GPC6: variants seen among roughly 807,000 people sequenced by gnomAD.
GPC6 encodes the protein glypican 6, also known as glypican-6.
In GPC6, 14 loss-of-function variants were observed where a neutral mutation model predicts 55.2. The ratio of observed to expected loss-of-function variants is 0.25; its 90% confidence interval spans 0.17 to 0.40. The LOEUF is 0.40. Among genes scored for constraint, GPC6 ranks in the 10% least tolerant of loss-of-function variants. The pLI is 1.00. For missense variants in GPC6, 641 were observed against 708.5 expected (o/e 0.90, Z 1.08); for synonymous variants, 278 against 259.6 (o/e 1.07, Z -0.68).
intron 3 of GPC6, among the ~76,000 whole-genome samples, chr13:94,010,486 C>A (rs1388989963): frequency 5.3e-5 from 8 of 152,252 alleles, no homozygotes; most frequent in East Asian, 1.9e-4. Flanking sequence ...CTGAGAGACA[C>A]ACTTTATAAT....
chr13:93,472,835 G>C (rs1238054176), intron 1 of GPC6, among the ~76,000 whole-genome samples: 2 of 152,152 alleles, frequency 1.3e-5, no homozygotes. Context: ...ACAAGTGAAG[G>C]GTGAGCAAGA....
At chr13:93,633,426 A>G (rs926208457) in intron 2 of GPC6, among the ~76,000 whole-genome samples, 1 of 152,090 alleles carries the variant, frequency 6.6e-6, no homozygotes, top group African/African-American at 2.4e-5. Flanking sequence ...CAGGTGGATC[A>G]CTTGAGGTCA....
intron 3 of GPC6, among the ~76,000 whole-genome samples, chr13:93,982,156 C>A (rs2140405748): frequency 6.6e-6 from 1 of 152,156 alleles, no homozygotes; most frequent in Non-Finnish European, 1.5e-5. Context: ...CTGATGGGGC[C>A]TATGGTCTTC....
chr13:93,731,385 T>C (rs1318676644), intron 2 of GPC6, among the ~76,000 whole-genome samples: 1 of 152,044 alleles, frequency 6.6e-6, no homozygotes, highest in African/African-American at 2.4e-5. Flanking sequence ...GCTTACTGAG[T>C]CTTTTAGCCC....
the GPC6 span, among the ~76,000 whole-genome samples, chr13:93,218,467 C>T: frequency 6.6e-6 from 1 of 152,086 alleles, no homozygotes; most frequent in African/African-American, 2.4e-5. Flanking sequence ...TTTTCCTATC[C>T]ATAGGTCTAA....
chr13:94,067,474 G>C (rs1202489718), intron 4 of GPC6, among the ~76,000 whole-genome samples: 2 of 142,126 alleles, frequency 1.4e-5, no homozygotes, highest in African/African-American at 5.0e-5. Context: ...CTCTCTGTCT[G>C]TCTGTCTCTC....
intron 2 of GPC6, among the ~76,000 whole-genome samples, chr13:93,773,998 T>C (rs1476769165): frequency 1.3e-5 from 2 of 152,178 alleles, no homozygotes; most frequent in East Asian, 3.9e-4. Context: ...TCAGAAGAAC[T>C]GCTTTGGCTT....
chr13:93,653,610 G>A (rs9516266), intron 2 of GPC6, among the ~76,000 whole-genome samples: 28,852 of 125,590 alleles, frequency 0.23, 3,624 homozygotes, highest in Admixed American at 0.31. Context: ...GTGTGTGTGT[G>A]TGTACATATA....
chr13:93,986,521 C>G (rs553239394), intron 3 of GPC6, among the ~76,000 whole-genome samples: 1 of 152,160 alleles, frequency 6.6e-6, no homozygotes, highest in African/African-American at 2.4e-5. Context: ...TTTGAAATAA[C>G]AGGAGTTCAG....
intron 1 of GPC6, among the ~76,000 whole-genome samples, chr13:93,261,593 G>C (rs1462273800): frequency 2.0e-5 from 3 of 152,166 alleles, no homozygotes; most frequent in Non-Finnish European, 4.4e-5. Flanking sequence ...GAATAAAAGA[G>C]AAAACAGTGT....
intron 4 of GPC6, among the ~76,000 whole-genome samples, chr13:94,048,028 A>T (rs916542202): frequency 6.8e-6 from 1 of 147,396 alleles, no homozygotes; most frequent in Non-Finnish European, 1.5e-5. Context: ...AAAAGTTGGC[A>T]ATTAAAAAAA....
At chr13:93,316,239 C>T (rs78581840) in intron 1 of GPC6, among the ~76,000 whole-genome samples, 1 of 151,986 alleles carries the variant, frequency 6.6e-6, no homozygotes, top group South Asian at 2.1e-4. Flanking sequence ...TATTCATGCC[C>T]TAGACTATTA....
At chr13:94,301,914 G>A (rs1267790699) in intron 5 of GPC6, among the ~76,000 whole-genome samples, 5 of 151,984 alleles carry the variant, frequency 3.3e-5, no homozygotes, top group African/African-American at 1.2e-4. Flanking sequence ...TATTCAAAAT[G>A]TAAAATGTTG....
At chr13:94,003,826 TCA>T (rs567898089) in intron 3 of GPC6, among the ~76,000 whole-genome samples, 110 of 152,304 alleles carry the variant, frequency 7.2e-4, no homozygotes, top group Non-Finnish European at 1.4e-3. Context: ...TTCAAGAGGC[TCA>T]CTACATGCCT....
intron 4 of GPC6, among the ~76,000 whole-genome samples, chr13:94,234,750 C>T (rs911271369): frequency 3.3e-5 from 5 of 151,910 alleles, no homozygotes; most frequent in East Asian, 3.9e-4. Flanking sequence ...ATCAACCAGA[C>T]GCAATAGAAA....
In GPC6 at chr13:94,083,267, C is replaced by T. The variant is rs113282964; in HGVS notation, c.877+55373C>T. Among the ~76,000 whole-genome samples the T allele has an allele frequency of 1.7e-3, 264 of 152,092 alleles. 1 individual carries two copies. Among genetic ancestry groups the T allele is most frequent in the African/African-American group, 6.0e-3 (247 of 41,478 alleles). On this transcript the variant is annotated intron_variant, in intron 4 of 8. Coordinates refer to ENST00000377047, the MANE Select transcript of GPC6 (RefSeq NM_005708.5). Reference sequence around the variant, plus strand: ...CTGAGTAGCTGGGACTACAGGCGCCCGCCACCACACCCGTCTAATTTTTTG... The same window carrying T: ...CTGAGTAGCTGGGACTACAGGCGCCTGCCACCACACCCGTCTAATTTTTTG...
At chr13:94,347,924 G>A (rs1026842357) in intron 6 of GPC6, among the ~76,000 whole-genome samples, 7 of 152,204 alleles carry the variant, frequency 4.6e-5, no homozygotes, top group African/African-American at 1.4e-4. Flanking sequence ...CCCGATGTGC[G>A]AGAGGCAGAT....
intron 4 of GPC6, among the ~76,000 whole-genome samples, chr13:94,072,494 C>A (rs571704052): frequency 2.5e-4 from 38 of 152,256 alleles, no homozygotes; most frequent in African/African-American, 8.2e-4. Context: ...GCTGGGACTA[C>A]AGGCACGTGC....
chr13:93,664,881 A>T (rs1002277957), intron 2 of GPC6, among the ~76,000 whole-genome samples: 1 of 152,254 alleles, frequency 6.6e-6, no homozygotes, highest in Non-Finnish European at 1.5e-5. Context: ...TCTTAAATTG[A>T]CAGACATTAA....
Sources: allele counts gnomAD v4.1 joint callset (sites outside exome capture counted in the v4.1 genomes callset), GRCh38; gene constraint gnomAD v4.1.1; transcripts MANE v1.5; gene names NCBI Gene and HGNC (gene_info 2026-07-23, HGNC 2026-07-21).